CDH13: variants seen among roughly 807,000 people sequenced by gnomAD.
The protein encoded by CDH13 is cadherin 13.
Under a neutral mutation model 63.8 loss-of-function variants are expected in CDH13, and 24 were observed. That is an observed-to-expected ratio of 0.38 (90% CI 0.27 to 0.53). The LOEUF (loss-of-function observed/expected upper bound fraction) is 0.53. Ranked by LOEUF, CDH13 falls within the 20% of genes least tolerant of loss-of-function variation. The pLI is 0.85. For missense variants in CDH13, 1,049 were observed against 903.1 expected (o/e 1.16, Z -2.07); for synonymous variants, 503 against 355.3 (o/e 1.42, Z -4.67).
intron 1 of CDH13, among the ~76,000 whole-genome samples, chr16:82,732,575 AG>A (rs2033460069): frequency 6.6e-6 from 1 of 152,248 alleles, no homozygotes; most frequent in South Asian, 2.1e-4. Flanking sequence ...GTTGTTTAAA[AG>A]AGATTTATCC....
intron 6 of CDH13, among the ~76,000 whole-genome samples, chr16:83,355,897 T>G (rs1041579497): frequency 6.6e-6 from 1 of 152,196 alleles, no homozygotes; most frequent in African/African-American, 2.4e-5. Context: ...AGCACTATTA[T>G]GTACTGGATA....
intron 2 of CDH13, among the ~76,000 whole-genome samples, chr16:82,978,978 T>C (rs12920980): frequency 0.041 from 6,252 of 152,128 alleles, 134 homozygotes; most frequent in South Asian, 0.049. Context: ...GCCACAGGGG[T>C]GGAGCTGCCC....
At chr16:82,793,501 G>T (rs1283652666) in intron 1 of CDH13, among the ~76,000 whole-genome samples, 1 of 152,098 alleles carries the variant, frequency 6.6e-6, no homozygotes, top group Non-Finnish European at 1.5e-5. Flanking sequence ...ATTGAGTTCG[G>T]TACCTCAAGT....
intron 10 of CDH13, among the ~76,000 whole-genome samples, chr16:83,686,780 A>C (rs142160190): frequency 6.6e-6 from 1 of 152,134 alleles, no homozygotes. Context: ...AAAAATTTTT[A>C]AGGGCTCAAA....
chr16:83,181,698 C>T (rs576682018), intron 4 of CDH13, among the ~76,000 whole-genome samples: 73 of 152,260 alleles, frequency 4.8e-4, no homozygotes, highest in African/African-American at 1.7e-3. Context: ...GACAGAGCTT[C>T]TTAACCTGGG....
intron 5 of CDH13, among the ~76,000 whole-genome samples, chr16:83,238,580 A>T (rs1429291995): frequency 2.0e-5 from 3 of 152,098 alleles, no homozygotes; most frequent in Non-Finnish European, 1.5e-5. Flanking sequence ...TGGTTGTGTG[A>T]TGGATTTCTA....
chr16:83,249,858 C>T (rs1238986177), intron 5 of CDH13, among the ~76,000 whole-genome samples: 1 of 152,178 alleles, frequency 6.6e-6, no homozygotes, highest in Non-Finnish European at 1.5e-5. Flanking sequence ...AAGACAGGCC[C>T]AGTTTTCTGT....
At chr16:82,935,549 A>C (rs193140091) in intron 2 of CDH13, among the ~76,000 whole-genome samples, 245 of 152,328 alleles carry the variant, frequency 1.6e-3, no homozygotes, top group Middle Eastern at 3.4e-3. Flanking sequence ...AGAAAAAAGT[A>C]AAAAGGACCT....
At chr16:83,246,775 T>C (rs140281557) in intron 5 of CDH13, among the ~76,000 whole-genome samples, 8 of 152,318 alleles carry the variant, frequency 5.3e-5, no homozygotes, top group African/African-American at 1.7e-4. Context: ...GCTGAAACCA[T>C]TGATGCTTCT....
At chr16:82,642,351 G>A (rs956033839) in intron 1 of CDH13, among the ~76,000 whole-genome samples, 7 of 152,186 alleles carry the variant, frequency 4.6e-5, no homozygotes, top group East Asian at 1.9e-4. Flanking sequence ...TACAGTAGGC[G>A]TGGTTTAGTC....
intron 7 of CDH13, among the ~76,000 whole-genome samples, chr16:83,546,149 G>C (rs562022323): frequency 3.4e-4 from 51 of 152,122 alleles, no homozygotes; most frequent in Admixed American, 3.2e-3. Context: ...GTGAGGTTTG[G>C]GCTAAAACCT....
chr16:82,770,512 A>G (rs113368661), intron 1 of CDH13, among the ~76,000 whole-genome samples: 12 of 152,206 alleles, frequency 7.9e-5, no homozygotes, highest in Non-Finnish European at 1.2e-4. Flanking sequence ...TATATTCACT[A>G]TCCTGCTTAA....
At position 83,148,691 on chromosome 16, in the gene CDH13, TCTAATA is replaced by T. The variant is rs2036853657; in HGVS notation, c.483+23192_483+23197del. Reference sequence around the variant, plus strand: ...TATGGTGTTATTATTATTATGAATATCTAATACAGTTAATATCTTTGTACGTAGGAG... The same window carrying T: ...TATGGTGTTATTATTATTATGAATATCAGTTAATATCTTTGTACGTAGGAG... On this transcript the variant is annotated intron_variant, in intron 4 of 13. Coordinates refer to ENST00000567109, the MANE Select transcript of CDH13 (RefSeq NM_001257.5). Among the ~76,000 whole-genome samples, 3 of 152,346 alleles carry T rather than the reference TCTAATA, an allele frequency of 2.0e-5. No individual in the cohort carries two copies. The South Asian group carries it at 6.2e-4, about 32-fold the overall frequency.
At chr16:83,501,325 T>C (rs1015080243) in intron 7 of CDH13, among the ~76,000 whole-genome samples, 4 of 152,240 alleles carry the variant, frequency 2.6e-5, no homozygotes, top group South Asian at 2.1e-4. Context: ...TAAATTCTTT[T>C]AGGTATTTTC....
intron 6 of CDH13, among the ~76,000 whole-genome samples, chr16:83,474,576 C>T (rs2073551931): frequency 6.6e-6 from 1 of 152,058 alleles, no homozygotes; most frequent in Admixed American, 6.5e-5. Flanking sequence ...CTGGTGGGTC[C>T]CACCAGAAAA....
intron 1 of CDH13, among the ~76,000 whole-genome samples, chr16:82,707,270 A>G (rs2031568073): frequency 6.6e-6 from 1 of 152,206 alleles, no homozygotes. Flanking sequence ...AAGCCAGCTG[A>G]CTCATTTTGT....
intron 6 of CDH13, among the ~76,000 whole-genome samples, chr16:83,441,385 A>T (rs1282096991): frequency 6.6e-6 from 1 of 152,258 alleles, no homozygotes; most frequent in African/African-American, 2.4e-5. Flanking sequence ...ACATCAGCTT[A>T]ATCTATATCT....
rs146976548 is a variant in CDH13 at position 83,073,490 on chromosome 16, G to C, written c.366+41272G>C. Among the ~76,000 whole-genome samples the C allele has an allele frequency of 1.1e-3, 162 of 151,992 alleles. 1 individual carries two copies. Among genetic ancestry groups the C allele is most frequent in the African/African-American group, 3.6e-3 (151 of 41,426 alleles). ...TGCTGTTTAATAACCTATCACAAAA[G>C]TTAGGCAGGCATTCACACACATGGC... is the stretch of plus-strand genomic sequence containing the variant. On this transcript the variant is annotated intron_variant, in intron 3 of 13. Transcript: ENST00000567109.
intron 2 of CDH13, among the ~76,000 whole-genome samples, chr16:82,963,216 C>CAA (rs397775475): frequency 1.1e-3 from 142 of 132,392 alleles, no homozygotes; most frequent in Middle Eastern, 3.9e-3. Context: ...ACTAAAAATA[C>CAA]AAAAAAAAAA....
Sources: gnomAD v4.1 joint callset for allele counts (sites outside exome capture counted in the v4.1 genomes callset) on GRCh38, gnomAD v4.1.1 for gene constraint, MANE v1.5 for transcripts, NCBI Gene and HGNC (gene_info 2026-07-23, HGNC 2026-07-21) for gene names.